The following CNTN1 variants were observed in gnomAD, a reference collection of about 807,000 sequenced individuals.
CNTN1 encodes contactin 1, also known as contactin-1.
In CNTN1, 38 loss-of-function variants were observed where a neutral mutation model predicts 126.4. That is an observed-to-expected ratio of 0.30 (90% CI 0.23 to 0.39). The LOEUF is 0.39. Ranked by LOEUF, CNTN1 falls within the 10% of genes least tolerant of loss-of-function variation. The probability of loss-of-function intolerance (pLI) is 1.00; values close to 1 mark genes in which losing one functional copy is unlikely to be tolerated. For synonymous variants in CNTN1, 413 were observed against 422.6 expected (o/e 0.98, Z 0.28); for missense variants, 1,009 against 1,248.4 (o/e 0.81, Z 2.89).
chr12:40,786,172 T>A (rs1225230243), intron 1 of CNTN1, among the ~76,000 whole-genome samples: 1 of 152,184 alleles, frequency 6.6e-6, no homozygotes, highest in Non-Finnish European at 1.5e-5. Flanking sequence ...CCGACTCATT[T>A]GGGTTATTGG....
Position 40,918,742 on chromosome 12 carries a change from G to A in CNTN1, c.198G>A (p.Arg66=). ...AAGGAAAAGTCTCACTCAACTGTAG[G>A]GCACGAGCCAGCCCTTTCCCGGTTT... ...SLEGKVSLNC[R]ARASPFPVYK... Residue 66 remains arginine (R), a synonymous_variant, in exon 4 of 24, where the codon AGG becomes AGA. Coordinates refer to ENST00000551295, the MANE Select transcript of CNTN1 (RefSeq NM_001843.4). 1 of 1,613,636 alleles carries A rather than the reference G, an allele frequency of 6.2e-7. No homozygotes were observed. Among genetic ancestry groups the A allele is most frequent in the Non-Finnish European group, 8.5e-7 (1 of 1,179,706 alleles).
chr12:40,887,251 T>C (rs1038056475), intron 1 of CNTN1, among the ~76,000 whole-genome samples: 2 of 152,102 alleles, frequency 1.3e-5, no homozygotes, highest in Admixed American at 6.6e-5. Context: ...CATTGAGCAG[T>C]GGTTTGTAGT....
intron 23 of CNTN1, among the ~76,000 whole-genome samples, chr12:41,056,423 G>C (rs545168979): frequency 3.3e-5 from 5 of 152,216 alleles, no homozygotes; most frequent in African/African-American, 9.6e-5. Context: ...ACTATGTTAG[G>C]ATGGGATTAG....
Position 40,910,118 on chromosome 12 carries a change from A to T in CNTN1, c.94+13A>T. On this transcript the variant is annotated intron_variant, in intron 3 of 23. Transcript: ENST00000551295. ...TATGGTCATGGAGGTAAGTTGACCAAAGAGTAGACCTTGTAAACATCTTTT... is the reference window on the plus strand; with the variant it reads ...TATGGTCATGGAGGTAAGTTGACCATAGAGTAGACCTTGTAAACATCTTTT... 1 of 1,592,846 alleles carries T rather than the reference A, an allele frequency of 6.3e-7. No individual in the cohort carries two copies. The highest frequency in any genetic ancestry group is 1.1e-5 in the South Asian group (1 of 90,460).
At chr12:40,829,445 A>G (rs1318140891) in intron 1 of CNTN1, among the ~76,000 whole-genome samples, 2 of 152,076 alleles carry the variant, frequency 1.3e-5, no homozygotes, top group Non-Finnish European at 2.9e-5. Flanking sequence ...ATCATCTATC[A>G]AGACCAAGAA....
At chr12:40,702,421 GTTT>G (rs1941621623) in intron 1 of CNTN1, among the ~76,000 whole-genome samples, 6 of 152,062 alleles carry the variant, frequency 3.9e-5, no homozygotes. Flanking sequence ...TCCTATGCAT[GTTT>G]TCAAATTTAT....
At chr12:40,825,493 A>T (rs1941583573) in intron 1 of CNTN1, among the ~76,000 whole-genome samples, 1 of 152,176 alleles carries the variant, frequency 6.6e-6, no homozygotes, top group African/African-American at 2.4e-5. Context: ...GCACTATAAA[A>T]TTCAAAATAT....
intron 1 of CNTN1, among the ~76,000 whole-genome samples, chr12:40,840,120 AC>A (rs139843504): frequency 0.021 from 3,135 of 152,182 alleles, 102 homozygotes; most frequent in African/African-American, 0.071. Flanking sequence ...CAGTGAAGAC[AC>A]ATATAGACTG....
At chr12:40,782,474 A>G (rs911156777) in intron 1 of CNTN1, among the ~76,000 whole-genome samples, 3 of 152,000 alleles carry the variant, frequency 2.0e-5, no homozygotes, top group African/African-American at 7.2e-5. Flanking sequence ...TGCTAAAAGT[A>G]AGAACATTTT....
At chr12:40,975,178 T>A (rs957123470) in intron 15 of CNTN1, among the ~76,000 whole-genome samples, 1 of 48,650 alleles carries the variant, frequency 2.1e-5, no homozygotes, top group African/African-American at 7.0e-5. Context: ...GTAAAATGGA[T>A]TATATATATA....
chr12:40,936,303 A>G (rs1056727223), intron 9 of CNTN1, among the ~76,000 whole-genome samples: 2 of 152,062 alleles, frequency 1.3e-5, no homozygotes, highest in Non-Finnish European at 2.9e-5. Flanking sequence ...TCTAGCGCCA[A>G]AGTGAGATGT....
chr12:40,857,184 G>A (rs561063362), intron 1 of CNTN1, among the ~76,000 whole-genome samples: 1 of 152,060 alleles, frequency 6.6e-6, no homozygotes, highest in African/African-American at 2.4e-5. Flanking sequence ...AGATGCTGGG[G>A]AATATGTGAT....
At chr12:40,985,834 C>T (rs1947942299) in intron 16 of CNTN1, among the ~76,000 whole-genome samples, 1 of 151,730 alleles carries the variant, frequency 6.6e-6, no homozygotes, top group Non-Finnish European at 1.5e-5. Flanking sequence ...GATGTTGTTC[C>T]ACAGATAATG....
At chr12:40,951,876 T>G (rs1319607447) in intron 14 of CNTN1, among the ~76,000 whole-genome samples, 1 of 152,044 alleles carries the variant, frequency 6.6e-6, no homozygotes, top group Non-Finnish European at 1.5e-5. Flanking sequence ...CCGGAATTTA[T>G]TTTTCAAGTG....
intron 1 of CNTN1, among the ~76,000 whole-genome samples, chr12:40,765,554 A>G (rs938255218): frequency 1.3e-5 from 2 of 152,184 alleles, no homozygotes; most frequent in East Asian, 3.9e-4. Context: ...GAAAATAATA[A>G]GTTTGGTTAA....
At chr12:41,037,237 T>C (rs530387633) in intron 23 of CNTN1, among the ~76,000 whole-genome samples, 2 of 152,266 alleles carry the variant, frequency 1.3e-5, no homozygotes, top group East Asian at 3.9e-4. Context: ...TATTTAACGT[T>C]GAACATAAAC....
chr12:40,695,950 A>T (rs1199612021), intron 1 of CNTN1, among the ~76,000 whole-genome samples: 1 of 152,182 alleles, frequency 6.6e-6, no homozygotes, highest in Non-Finnish European at 1.5e-5. Context: ...CTAAGAGCAC[A>T]GGCTTTGGGA....
intron 1 of CNTN1, among the ~76,000 whole-genome samples, chr12:40,747,049 A>T (rs982752316): frequency 7.2e-5 from 11 of 151,982 alleles, no homozygotes; most frequent in Non-Finnish European, 1.5e-4. Flanking sequence ...CTCCTACCTG[A>T]CTATCTACTG....
At position 41,071,739 on chromosome 12, in the gene CNTN1, A is replaced by G. The variant is rs1950163268; in HGVS notation, c.*1704A>G. 1 of 152,216 alleles carries G rather than the reference A, an allele frequency of 6.6e-6. No individual in the cohort carries two copies. Among genetic ancestry groups the G allele is most frequent in the Non-Finnish European group, 1.5e-5 (1 of 68,020 alleles). The allele number at this position is 152,216 out of a possible 1,614,324, so 9.4% of individuals were successfully genotyped here. On this transcript the variant is annotated 3_prime_UTR_variant, in exon 24 of 24. Transcript: ENST00000551295. The stretch of plus-strand genomic sequence containing the variant: ...TGTCAACAGTCTTAAGATCATTGCC[A>G]GATTTCATAAAATATTTAAGTATTT...
Sources: allele counts gnomAD v4.1 joint callset (sites outside exome capture counted in the v4.1 genomes callset), GRCh38; gene constraint gnomAD v4.1.1; transcripts MANE v1.5; gene names NCBI Gene and HGNC (gene_info 2026-07-23, HGNC 2026-07-21).